LRRC61: variants seen among roughly 807,000 people sequenced by gnomAD.
The protein encoded by LRRC61 is leucine rich repeat containing 61.
In LRRC61, 9 loss-of-function variants were observed where a neutral mutation model predicts 15.1. That is an observed-to-expected ratio of 0.60 (90% CI 0.36 to 1.04). The LOEUF is 1.04. LRRC61 is among the 50% of genes least tolerant of loss of function. The pLI is 0.01. For missense variants in LRRC61, 344 were observed against 335.6 expected, an observed-to-expected ratio of 1.03 and a Z score of -0.20; for synonymous variants, 173 against 158.6, an observed-to-expected ratio of 1.09 and a Z score of -0.68.
In LRRC61 at chr7:150,325,953, A is replaced by T. The variant is rs1016238879; in HGVS notation, c.-202A>T. ...ACTGTTGTACCAGTGATGACACAAA[A>T]TCCCAGATCTACCTGACGGGCCTGC... On this transcript the variant is annotated 5_prime_UTR_variant, in exon 2 of 3. Coordinates refer to ENST00000359623, the MANE Select transcript of LRRC61 (RefSeq NM_001142928.2). 3 of 152,636 alleles carry T rather than the reference A, an allele frequency of 2.0e-5. 1 individual carries two copies. Among genetic ancestry groups the T allele is most frequent in the Non-Finnish European group, 4.4e-5 (3 of 68,052 alleles). 9.5% of individuals were successfully genotyped at this position (152,636 alleles called of 1,614,324 possible).
intron 2 of LRRC61, among the ~76,000 whole-genome samples, chr7:150,326,681 T>A (rs1289133765): frequency 1.8e-5 from 2 of 112,526 alleles, no homozygotes; most frequent in African/African-American, 8.2e-5. Context: ...AGACCCAGTC[T>A]GAAAAAAAAA....
Position 150,331,296 on chromosome 7 carries a change from C to T in LRRC61, c.-145+5286C>T, listed in dbSNP as rs144877127. 8.5e-4 allele frequency: 519 copies of T among 611,716 alleles called. 8 individuals carry two copies. In the East Asian group the frequency reaches 0.014, roughly 16 times the overall value. The allele number at this position is 611,716 out of a possible 1,614,324, so 37.9% of individuals were successfully genotyped here. On this transcript the variant is annotated intron_variant, in intron 2 of 2. Coordinates refer to ENST00000359623, the MANE Select transcript of LRRC61 (RefSeq NM_001142928.2). Reference sequence around the variant, plus strand: ...CCAAGGGGATACAGACCCTGCAGTCCGCTCAGGGTGGGATGGCAGACATGG... The same window carrying T: ...CCAAGGGGATACAGACCCTGCAGTCTGCTCAGGGTGGGATGGCAGACATGG...
At chr7:150,310,214 T>TC in the LRRC61 span, among the ~76,000 whole-genome samples, 1 of 152,092 alleles carries the variant, frequency 6.6e-6, no homozygotes, top group Non-Finnish European at 1.5e-5. Context: ...TTTCACATCC[T>TC]CCCTTTGTGT....
chr7:150,331,092 AC>A (rs779470621), intron 2 of LRRC61: 9 of 1,612,542 alleles, frequency 5.6e-6, no homozygotes, highest in African/African-American at 5.3e-5. Flanking sequence ...TATCTGTCTT[AC>A]CCCCCACAGG....
In LRRC61 at chr7:150,330,873, T is replaced by G. The variant is rs759143074; in HGVS notation, c.-145+4863T>G. 1 of 1,611,038 alleles carries G rather than the reference T, an allele frequency of 6.2e-7. No individual in the cohort carries two copies. The highest frequency in any genetic ancestry group is 1.1e-5 in the South Asian group (1 of 91,030). On this transcript the variant is annotated intron_variant, in intron 2 of 2. Transcript: ENST00000359623. This position sits in a 1 kb window ranked among gnomAD's most constrained non-coding sequence, Gnocchi z 4.6. ...GGAGCCTCTGCAGAGCAGCAGCCAC[T>G]CTGGGGCCTTCCTGCTGGCCCAGAG...
upstream of LRRC61, among the ~76,000 whole-genome samples, chr7:150,320,258 T>A (rs191239015): frequency 2.0e-5 from 3 of 152,338 alleles, no homozygotes; most frequent in Admixed American, 2.0e-4. Flanking sequence ...GAGTAGGGTA[T>A]CCTCAGGAAG....
At position 150,337,486 on chromosome 7, in the gene LRRC61, C is replaced by G; in HGVS notation, c.625C>G (p.Pro209Ala). The change falls in exon 3 of 3, where the codon CCC (proline) becomes GCC (alanine). Residue 209 changes from proline to alanine, a missense_variant. Coordinates refer to ENST00000359623, the MANE Select transcript of LRRC61 (RefSeq NM_001142928.2). ...GGAGCCAGGCTACTGGGAGTCCTGG[C>G]CCAGCCGGAGCAGCTCCATCCTGGA... ...WVEPGYWESWPSRSSSILEEA... is the reference protein window; with the variant it reads ...WVEPGYWESWASRSSSILEEA... The G allele has an allele frequency of 1.9e-6, 3 of 1,602,666 alleles. No homozygotes were observed. The highest frequency in any genetic ancestry group is 1.7e-6 in the Non-Finnish European group (2 of 1,179,326).
At chr7:150,319,289 G>A (rs1396815013), upstream of LRRC61, among the ~76,000 whole-genome samples, 1 of 151,228 alleles carries the variant, frequency 6.6e-6, no homozygotes, top group African/African-American at 2.4e-5. Flanking sequence ...CTCACCACAA[G>A]CTCCGCCTCT....
chr7:150,334,953 C>T (rs890107919), intron 2 of LRRC61, among the ~76,000 whole-genome samples: 2 of 148,698 alleles, frequency 1.3e-5, no homozygotes, highest in African/African-American at 5.0e-5. Flanking sequence ...ACCCAGGAGG[C>T]GGAGGTTGCG....
chr7:150,337,717 C>T lies in LRRC61; in HGVS notation c.*76C>T. ...TTCCCCTCTCTGCCCCCACACTCGT[C>T]TTAGTTGCTTCACACTGGTCACTGG... On this transcript the variant is annotated 3_prime_UTR_variant, in exon 3 of 3. Coordinates refer to ENST00000359623, the MANE Select transcript of LRRC61 (RefSeq NM_001142928.2). The T allele has an allele frequency of 7.0e-7, 1 of 1,431,664 alleles. No individual in the cohort carries two copies. Among genetic ancestry groups the T allele is most frequent in the South Asian group, 1.4e-5 (1 of 70,450 alleles). The allele number at this position is 1,431,664 out of a possible 1,614,324, so 88.7% of individuals were successfully genotyped here. A position where few individuals can be genotyped will look rare whatever the true frequency, so the allele number is the denominator to read the frequency against.
intron 2 of LRRC61, among the ~76,000 whole-genome samples, chr7:150,334,870 T>C (rs1017005207): frequency 6.6e-6 from 1 of 151,946 alleles, no homozygotes; most frequent in African/African-American, 2.4e-5. Context: ...AATACAAAAA[T>C]TAGCCAGGCA....
the LRRC61 span, among the ~76,000 whole-genome samples, chr7:150,310,853 C>CT: frequency 1.3e-5 from 2 of 152,194 alleles, no homozygotes; most frequent in South Asian, 4.1e-4. Flanking sequence ...CAGCAGAACA[C>CT]TATCCTACTT....
At chr7:150,326,888 G>T (rs796305498) in intron 2 of LRRC61, among the ~76,000 whole-genome samples, 1 of 152,130 alleles carries the variant, frequency 6.6e-6, no homozygotes, top group Non-Finnish European at 1.5e-5. Context: ...CTACACAAGC[G>T]CCACCTTGCA....
chr7:150,310,170 C>T, the LRRC61 span, among the ~76,000 whole-genome samples: 3 of 152,280 alleles, frequency 2.0e-5, no homozygotes, highest in East Asian at 5.8e-4. Flanking sequence ...ACAGCCACAC[C>T]TCACTGCTGT....
At position 150,335,928 on chromosome 7, in the gene LRRC61, A is replaced by T. The variant is rs1798272400; in HGVS notation, c.-144-790A>T. 6.6e-6 allele frequency among the ~76,000 whole-genome samples: 1 copy of T among 152,092 alleles called. No individual in the cohort carries two copies. Among genetic ancestry groups the T allele is most frequent in the African/African-American group, 2.4e-5 (1 of 41,390 alleles). On this transcript the variant is annotated intron_variant, in intron 2 of 2. Coordinates refer to ENST00000359623, the MANE Select transcript of LRRC61 (RefSeq NM_001142928.2). The surrounding 1 kb of genome is among the most constrained non-coding windows in gnomAD (Gnocchi z 4.3). ...CCTCCAAGACAGCCTGCCCTTTGGG[A>T]AATTTATGTTGTCTTTGCAGCTGGC... is the stretch of plus-strand genomic sequence containing the variant.
At chr7:150,332,335 G>A (rs1459628143) in intron 2 of LRRC61, 6 of 167,098 alleles carry the variant, frequency 3.6e-5, no homozygotes, top group Non-Finnish European at 5.9e-5. Flanking sequence ...TGGTCACTGG[G>A]TAGGGTGGCT....
upstream of LRRC61, chr7:150,322,818 C>T (rs1797681993): frequency 1.3e-5 from 2 of 152,282 alleles, no homozygotes; most frequent in Admixed American, 6.5e-5. Flanking sequence ...ATCGGGACCC[C>T]TTTCTGATAA....
At position 150,337,268 on chromosome 7, in the gene LRRC61, T is replaced by TCAGCAAC; in HGVS notation, c.409_415dup (p.Pro139GlnfsTer27). ...CGGCTCCGAGACCCTTTGGCCCGGC[T>TCAGCAAC]CAGCAACCCGCTCTGTGCCAACCCC... is the stretch of plus-strand genomic sequence containing the variant. On this transcript the variant is annotated frameshift_variant, in exon 3 of 3. Coordinates refer to ENST00000359623, the MANE Select transcript of LRRC61 (RefSeq NM_001142928.2). LOFTEE classifies it high-confidence loss of function. The TCAGCAAC allele has an allele frequency of 6.2e-7, 1 of 1,603,360 alleles. No individual in the cohort carries two copies. The highest frequency in any genetic ancestry group is 8.5e-7 in the Non-Finnish European group (1 of 1,179,848).
chr7:150,312,524 A>G, the LRRC61 span, among the ~76,000 whole-genome samples: 1 of 152,220 alleles, frequency 6.6e-6, no homozygotes, highest in Non-Finnish European at 1.5e-5. Flanking sequence ...CGCCACCTAC[A>G]TTAAAGCTAA....
Sources: allele counts gnomAD v4.1 joint callset (sites outside exome capture counted in the v4.1 genomes callset), GRCh38; gene constraint gnomAD v4.1.1; non-coding constraint Gnocchi (gnomAD v3.1); transcripts MANE v1.5; gene names NCBI Gene and HGNC (gene_info 2026-07-23, HGNC 2026-07-21).